STX8: variants seen among roughly 807,000 people sequenced by gnomAD.
STX8 encodes the protein syntaxin 8.
Under a neutral mutation model 37.5 loss-of-function variants are expected in STX8, and 23 were observed. The observed-to-expected ratio is 0.61, with a 90% CI of 0.44 to 0.87. The LOEUF is 0.87. STX8 is among the 40% of genes least tolerant of loss of function. The probability of loss-of-function intolerance (pLI) is 0.00; values close to 1 mark genes in which losing one functional copy is unlikely to be tolerated. For missense variants in STX8, 313 were observed against 284.7 expected (o/e 1.10, Z -0.71); for synonymous variants, 115 against 99.1 (o/e 1.16, Z -0.95).
At chr17:9,508,428 G>C (rs1904913694) in intron 4 of STX8, among the ~76,000 whole-genome samples, 1 of 152,178 alleles carries the variant, frequency 6.6e-6, no homozygotes, top group Non-Finnish European at 1.5e-5. Flanking sequence ...CTGGGCTCAA[G>C]TGATTCTCCC....
intron 6 of STX8, among the ~76,000 whole-genome samples, chr17:9,397,690 T>C (rs111668090): frequency 5.3e-5 from 8 of 152,112 alleles, no homozygotes; most frequent in African/African-American, 1.9e-4. Flanking sequence ...AAATACATGA[T>C]TGAGGCCGGG....
At chr17:9,465,449 T>C in intron 6 of STX8, among the ~76,000 whole-genome samples, 1 of 152,146 alleles carries the variant, frequency 6.6e-6, no homozygotes, top group East Asian at 1.9e-4. Context: ...TTTGCCTCAG[T>C]GAACCCTGAC....
chr17:9,414,100 A>ACCCACCTACCCATTTGTCCGTCTGTCCG (rs1913085595), intron 6 of STX8, among the ~76,000 whole-genome samples: 4 of 67,970 alleles, frequency 5.9e-5, no homozygotes, highest in African/African-American at 1.4e-4. Flanking sequence ...CCATCCATCC[A>ACCCACCTACCCATTTGTCCGTCTGTCCG]TCCATCCATC....
chr17:9,256,909 A>G (rs1906818835), intron 7 of STX8, among the ~76,000 whole-genome samples: 2 of 152,224 alleles, frequency 1.3e-5, no homozygotes, highest in African/African-American at 4.8e-5. Context: ...GAAATGTTTG[A>G]CATTTCAGAA....
intron 7 of STX8, among the ~76,000 whole-genome samples, chr17:9,294,464 G>C (rs775627437): frequency 6.6e-6 from 1 of 152,184 alleles, no homozygotes; most frequent in Non-Finnish European, 1.5e-5. Context: ...TCTGAGTGAG[G>C]GTGGAACATC....
At chr17:9,438,723 T>C (rs1337346980) in intron 6 of STX8, among the ~76,000 whole-genome samples, 1 of 151,822 alleles carries the variant, frequency 6.6e-6, no homozygotes, top group Admixed American at 6.6e-5. Context: ...GGTCAGGAGA[T>C]CGAGACCATC....
intron 7 of STX8, among the ~76,000 whole-genome samples, chr17:9,280,558 A>C (rs1311266586): frequency 6.6e-6 from 1 of 152,200 alleles, no homozygotes; most frequent in African/African-American, 2.4e-5. Flanking sequence ...CATCTCAAAA[A>C]AGAAACAAAA....
intron 7 of STX8, among the ~76,000 whole-genome samples, chr17:9,359,145 A>G (rs1910978030): frequency 6.6e-6 from 1 of 150,734 alleles, no homozygotes; most frequent in South Asian, 2.1e-4. Flanking sequence ...CGGGTTCAAG[A>G]GATCCTTCTG....
chr17:9,401,870 T>C (rs530202380), intron 6 of STX8, among the ~76,000 whole-genome samples: 1 of 152,298 alleles, frequency 6.6e-6, no homozygotes, highest in South Asian at 2.1e-4. Context: ...CAAGAGAGCA[T>C]TCCTCCTTTG....
At chr17:9,420,952 C>T (rs111320977) in intron 6 of STX8, among the ~76,000 whole-genome samples, 82 of 152,238 alleles carry the variant, frequency 5.4e-4, no homozygotes, top group Non-Finnish European at 1.1e-3. Context: ...CCCATTGTTC[C>T]ACCAGTTTCT....
intron 6 of STX8, among the ~76,000 whole-genome samples, chr17:9,421,085 C>T (rs1229068787): frequency 6.6e-6 from 1 of 152,102 alleles, no homozygotes; most frequent in East Asian, 1.9e-4. Flanking sequence ...CTAATCTAAC[C>T]TTTGCATTAC....
chr17:9,557,100 T>TG (rs1907011002), intron 3 of STX8: 1 of 190,312 alleles, frequency 5.3e-6, no homozygotes, highest in South Asian at 1.2e-4. Context: ...GTTTTCCTGT[T>TG]GGAGCAGTAG....
intron 1 of STX8, among the ~76,000 whole-genome samples, chr17:9,570,569 GA>G (rs1907652012): frequency 6.6e-6 from 1 of 151,940 alleles, no homozygotes. Flanking sequence ...TGTGTGTAGG[GA>G]AAAATAGCAG....
chr17:9,319,967 TAAATA>T (rs1160822899), intron 7 of STX8, among the ~76,000 whole-genome samples: 8 of 150,178 alleles, frequency 5.3e-5, no homozygotes, highest in African/African-American at 9.8e-5. Context: ...AATAAATAAA[TAAATA>T]AAATAAAATA....
At chr17:9,279,655 C>G (rs566391508) in intron 7 of STX8, among the ~76,000 whole-genome samples, 27 of 152,332 alleles carry the variant, frequency 1.8e-4, no homozygotes, top group African/African-American at 6.3e-4. Flanking sequence ...CTATGATGGA[C>G]TTCTCACTGT....
intron 2 of STX8, among the ~76,000 whole-genome samples, chr17:9,567,451 G>T (rs747290819): frequency 3.9e-5 from 6 of 152,138 alleles, no homozygotes; most frequent in Non-Finnish European, 7.4e-5. Flanking sequence ...CTGTAAAATA[G>T]ACCAAATGAG....
intron 7 of STX8, among the ~76,000 whole-genome samples, chr17:9,276,450 C>G (rs1907680202): frequency 6.6e-6 from 1 of 152,020 alleles, no homozygotes; most frequent in Non-Finnish European, 1.5e-5. Context: ...AAACGAGGGA[C>G]AGATTTTGAC....
intron 7 of STX8, among the ~76,000 whole-genome samples, chr17:9,256,871 G>A (rs561644735): frequency 1.3e-5 from 2 of 152,252 alleles, no homozygotes; most frequent in East Asian, 3.9e-4. Context: ...ACCTCAGGGG[G>A]GTCTACTCAT....
intron 7 of STX8, among the ~76,000 whole-genome samples, chr17:9,322,656 C>T (rs1909614262): frequency 6.6e-6 from 1 of 152,008 alleles, no homozygotes; most frequent in Non-Finnish European, 1.5e-5. Context: ...GCTTCTTGTC[C>T]AGAGTTCTCT....
Sources: allele counts gnomAD v4.1 joint callset (sites outside exome capture counted in the v4.1 genomes callset), GRCh38; gene constraint gnomAD v4.1.1; transcripts MANE v1.5; gene names NCBI Gene and HGNC (gene_info 2026-07-23, HGNC 2026-07-21).